The following SULF1 variants were observed in gnomAD, a reference collection of about 807,000 sequenced individuals.
SULF1 encodes the protein sulfatase 1.
In SULF1, 46 loss-of-function variants were observed where a neutral mutation model predicts 110.5. That is an observed-to-expected ratio of 0.42 (90% CI 0.33 to 0.53). The LOEUF is 0.53. Among genes scored for constraint, SULF1 ranks in the 20% least tolerant of loss-of-function variants. The pLI is 0.12. For synonymous variants in SULF1, 371 were observed against 387.1 expected (o/e 0.96, Z 0.49); for missense variants, 941 against 1,094.2 (o/e 0.86, Z 1.98).
chr8:69,652,136 G>C (rs55756488), intron 22 of SULF1, among the ~76,000 whole-genome samples: 22,550 of 151,428 alleles, frequency 0.15, 1,780 homozygotes, highest in African/African-American at 0.18. Context: ...GTCACATCTC[G>C]TTCTCTACCC....
At chr8:69,637,697 T>A (rs1811166973) in intron 19 of SULF1, 1 of 152,674 alleles carries the variant, frequency 6.5e-6, no homozygotes, top group Non-Finnish European at 1.5e-5. Flanking sequence ...ATGCCTGTAG[T>A]CCCAGCTACT....
intron 16 of SULF1, 98 bp from the exon 17 acceptor site, chr8:69,627,674 C>T (rs1586585774): frequency 2.5e-6 from 2 of 791,770 alleles, no homozygotes; most frequent in East Asian, 2.4e-5. Context: ...AGATGAATAG[C>T]TGTTATTACA....
intron 3 of SULF1, among the ~76,000 whole-genome samples, chr8:69,557,326 G>T (rs1308856868): frequency 1.3e-5 from 2 of 152,124 alleles, no homozygotes; most frequent in Non-Finnish European, 2.9e-5. Context: ...GAGTTCTTCT[G>T]GTGGTTTTCA....
Position 69,638,745 on chromosome 8 carries a change from C to T in SULF1, c.2438C>T (p.Thr813Ile). The T allele has an allele frequency of 3.1e-6, 5 of 1,614,014 alleles. No homozygotes were observed. The highest frequency in any genetic ancestry group is 2.2e-5 in the East Asian group (1 of 44,872). The change falls in exon 21 of 23, where the codon ACA becomes ATA. Residue 813 changes from threonine to isoleucine, a missense_variant. By Grantham distance (89) the Thr-to-Ile change is moderately conservative (BLOSUM62 -1). Around this residue, in one of 3 missense-constraint regions of SULF1, gnomAD observed 112 missense variants for 133.5 expected, o/e 0.84. Coordinates refer to ENST00000402687, the MANE Select transcript of SULF1 (RefSeq NM_001128205.2). Reference protein sequence around the residue: ...MNTDPYQLTNTVHTVERGILN... With the variant: ...MNTDPYQLTNIVHTVERGILN... ...TGTCTGCATTCACAGCTCACAAATACAGTGCACACGGTAGAACGAGGCATT... is the reference window on the plus strand; with the variant it reads ...TGTCTGCATTCACAGCTCACAAATATAGTGCACACGGTAGAACGAGGCATT...
At chr8:69,555,005 A>C (rs1258942505) in intron 3 of SULF1, among the ~76,000 whole-genome samples, 2 of 150,578 alleles carry the variant, frequency 1.3e-5, no homozygotes, top group African/African-American at 4.9e-5. Context: ...AAAACAAAAA[A>C]AAAAAACTTC....
chr8:69,513,091 G>A (rs543696866), intron 3 of SULF1, among the ~76,000 whole-genome samples: 44 of 152,192 alleles, frequency 2.9e-4, no homozygotes, highest in African/African-American at 9.9e-4. Flanking sequence ...TTTATTCTTA[G>A]ATTTAGCACA....
intron 3 of SULF1, among the ~76,000 whole-genome samples, chr8:69,511,104 TAAC>T (rs1231546406): frequency 1.3e-5 from 2 of 152,096 alleles, no homozygotes; most frequent in East Asian, 3.9e-4. Flanking sequence ...ATAATAGTAA[TAAC>T]AATACCTTAA....
intron 22 of SULF1, among the ~76,000 whole-genome samples, chr8:69,644,159 C>G (rs990650575): frequency 6.6e-6 from 1 of 152,204 alleles, no homozygotes; most frequent in Non-Finnish European, 1.5e-5. Flanking sequence ...TCATCTCCCC[C>G]ATAGTGACAG....
intron 14 of SULF1, among the ~76,000 whole-genome samples, chr8:69,623,663 C>A (rs1809783045): frequency 6.6e-6 from 1 of 152,192 alleles, no homozygotes; most frequent in South Asian, 2.1e-4. Flanking sequence ...ATCACCTGGA[C>A]TAACCCCCTC....
rs1810236376 is a variant in SULF1 at position 69,628,084 on chromosome 8, T to C, written c.2043-87T>C. ...ACTTACAACATCACTGCCTTCCTTC[T>C]TTCTATTTTGCTTTCTTTTTATAAA... On this transcript the variant is annotated intron_variant, in intron 17 of 22. Coordinates refer to ENST00000402687, the MANE Select transcript of SULF1 (RefSeq NM_001128205.2). The C allele has an allele frequency of 5.1e-6, 6 of 1,165,420 alleles. No homozygotes were observed. In the Admixed American group the frequency reaches 1.1e-4, roughly 22 times the overall value. 72.2% of individuals were successfully genotyped at this position (1,165,420 alleles called of 1,614,324 possible).
At chr8:69,490,162 G>T (rs1304154563), upstream of SULF1, among the ~76,000 whole-genome samples, 1 of 149,624 alleles carries the variant, frequency 6.7e-6, no homozygotes, top group Non-Finnish European at 1.5e-5. Context: ...GAATGCAGTG[G>T]CACAATCTGG....
At chr8:69,645,855 G>A (rs919609403) in intron 22 of SULF1, among the ~76,000 whole-genome samples, 1 of 152,062 alleles carries the variant, frequency 6.6e-6, no homozygotes, top group Non-Finnish European at 1.5e-5. Flanking sequence ...AAACAGGGAT[G>A]TTTTGACCAT....
At chr8:69,642,577 C>T (rs1811564006) in intron 22 of SULF1, among the ~76,000 whole-genome samples, 1 of 152,134 alleles carries the variant, frequency 6.6e-6, no homozygotes, top group Non-Finnish European at 1.5e-5. Context: ...GGACGATCTT[C>T]CCTGCCTCCC....
chr8:69,645,310 T>A (rs1268100957), intron 22 of SULF1, among the ~76,000 whole-genome samples: 2 of 152,154 alleles, frequency 1.3e-5, no homozygotes, highest in Non-Finnish European at 2.9e-5. Context: ...AAAGGCCTTG[T>A]TTCTTGTGCC....
rs545872940 is a variant in SULF1, at chr8:69,527,888, CAAG to C, written c.-134+25921_-134+25923del. ...GTTTCACTGGCTGAGAGCAGAGAGA[CAAG>C]GAGGGAGGAAATGAGAAGGAGGGAA... is the stretch of plus-strand genomic sequence containing the variant. On this transcript the variant is annotated intron_variant, in intron 3 of 22. Transcript: ENST00000402687. 1.5e-4 allele frequency among the ~76,000 whole-genome samples: 23 copies of C among 152,058 alleles called. No homozygotes were observed. In the East Asian group the frequency reaches 4.4e-3, roughly 29 times the overall value.
chr8:69,486,646 A>C (rs1809724013), intron 1 of SULF1, among the ~76,000 whole-genome samples: 1 of 152,204 alleles, frequency 6.6e-6, no homozygotes, highest in African/African-American at 2.4e-5. Flanking sequence ...GGCGTGCAAC[A>C]CCGTGCCTAT....
intron 5 of SULF1, among the ~76,000 whole-genome samples, chr8:69,569,346 T>C (rs1305129371): frequency 2.0e-5 from 3 of 152,192 alleles, no homozygotes; most frequent in Non-Finnish European, 2.9e-5. Context: ...TATTTTAAAA[T>C]CATATTTTAA....
intron 19 of SULF1, chr8:69,638,299 CT>C: frequency 1.6e-6 from 1 of 618,456 alleles, no homozygotes; most frequent in Non-Finnish European, 2.7e-6. Flanking sequence ...AGATCACTAT[CT>C]TTTTTCCCAT....
intron 21 of SULF1, 105 bp from the exon 22 acceptor site, chr8:69,640,703 G>A: frequency 2.2e-6 from 2 of 918,916 alleles, no homozygotes; most frequent in Non-Finnish European, 3.3e-6. Flanking sequence ...TTAACACCAT[G>A]TGTTTCTTTC....
Sources: gnomAD v4.1 joint callset for allele counts (sites outside exome capture counted in the v4.1 genomes callset) on GRCh38, gnomAD v4.1.1 for gene constraint, gnomAD v4.1.1 regional missense constraint, MANE v1.5 for transcripts, NCBI Gene and HGNC (gene_info 2026-07-23, HGNC 2026-07-21) for gene names.